MYOF: variants seen among roughly 807,000 people sequenced by gnomAD.
The protein encoded by MYOF is myoferlin, also known as fer-1-like 3, myoferlin.
MYOF carries 244 observed loss-of-function variants against 284.2 expected under a neutral mutation model. The observed-to-expected ratio is 0.86, with a 90% CI of 0.77 to 0.95. MYOF has a LOEUF of 0.95. Among genes scored for constraint, MYOF ranks in the 40% least tolerant of loss-of-function variants. The probability of loss-of-function intolerance (pLI) is 0.00; values close to 1 mark genes in which losing one functional copy is unlikely to be tolerated. For missense variants in MYOF, 2,496 were observed against 2,560.6 expected, an observed-to-expected ratio of 0.97 and a Z score of 0.54; for synonymous variants, 904 against 919.7, an observed-to-expected ratio of 0.98 and a Z score of 0.31.
intron 43 of MYOF, among the ~76,000 whole-genome samples, chr10:93,331,754 C>T (rs1564624277): frequency 6.6e-6 from 1 of 151,836 alleles, no homozygotes; most frequent in Non-Finnish European, 1.5e-5. Context: ...GTGTGTGACA[C>T]ATGACAGAGA....
At chr10:93,403,361 T>G (rs2134096401) in intron 9 of MYOF, among the ~76,000 whole-genome samples, 1 of 152,354 alleles carries the variant, frequency 6.6e-6, no homozygotes, top group South Asian at 2.1e-4. Flanking sequence ...TTACACATAC[T>G]ATCTCATTTA....
chr10:93,328,986 A>C, intron 44 of MYOF, 75 bp from the exon 45 acceptor site: 28 of 1,476,208 alleles, frequency 1.9e-5, no homozygotes, highest in Non-Finnish European at 2.4e-5. Context: ...ATACATGCTC[A>C]TGTACTCTTA....
intron 53 of MYOF, among the ~76,000 whole-genome samples, 187 bp from the exon 54 acceptor site, chr10:93,307,188 A>AC (rs71028899): frequency 0.054 from 6,057 of 112,008 alleles, 205 homozygotes; most frequent in Admixed American, 0.13. Flanking sequence ...TGCCAGTAGC[A>AC]CCCCCCCGCC....
chr10:93,411,082 C>T (rs770461136), intron 5 of MYOF, among the ~76,000 whole-genome samples: 1 of 152,232 alleles, frequency 6.6e-6, no homozygotes, highest in Non-Finnish European at 1.5e-5. Context: ...ATAGGCGAAG[C>T]CTTTAGCACA....
chr10:93,312,222 C>CA (rs1463882044), intron 51 of MYOF, among the ~76,000 whole-genome samples: 5 of 152,208 alleles, frequency 3.3e-5, no homozygotes, highest in Admixed American at 2.6e-4. Flanking sequence ...CGTGATATGG[C>CA]ATGGTAACCC....
intron 4 of MYOF, 66 bp from the exon 5 acceptor site, chr10:93,426,224 CA>C: frequency 6.7e-7 from 1 of 1,481,954 alleles, no homozygotes; most frequent in Admixed American, 2.0e-5. Context: ...AGACTCAATG[CA>C]AGTGACTTCA....
chr10:93,478,926 G>A (rs1438627383), intron 1 of MYOF, among the ~76,000 whole-genome samples: 3 of 151,930 alleles, frequency 2.0e-5, no homozygotes, highest in East Asian at 1.9e-4. Context: ...ACAATCCCAA[G>A]TACAGTGTAG....
chr10:93,449,603 G>A (rs186378959), intron 3 of MYOF, among the ~76,000 whole-genome samples: 2 of 152,256 alleles, frequency 1.3e-5, no homozygotes, highest in Admixed American at 1.3e-4. Context: ...TAAAAAGCTA[G>A]AATAGTTTCC....
intron 3 of MYOF, among the ~76,000 whole-genome samples, chr10:93,433,180 G>A (rs1034297905): frequency 6.6e-6 from 1 of 151,364 alleles, no homozygotes; most frequent in African/African-American, 2.4e-5. Flanking sequence ...ATTTTGAGAT[G>A]GAGTTTCGTT....
intron 45 of MYOF, among the ~76,000 whole-genome samples, chr10:93,326,627 G>A (rs984892504): frequency 6.6e-6 from 1 of 152,080 alleles, no homozygotes; most frequent in African/African-American, 2.4e-5. Flanking sequence ...GGTATTCTGG[G>A]TTTTTTGTAT....
rs539309156 is a variant in MYOF at position 93,374,910 on chromosome 10, G to A, written c.2154C>T (p.Leu718=). The change falls in exon 23 of 54, where the codon CTC becomes CTT. Residue 718 remains leucine (L), a synonymous_variant. Transcript: ENST00000359263. ...ACCGCAGCTTTCGGATCTGAGTATCGAGAACTGTGACGTTGGCTTTTCCTT... is the reference window on the plus strand; with the variant it reads ...ACCGCAGCTTTCGGATCTGAGTATCAAGAACTGTGACGTTGGCTTTTCCTT... ...LTEGKANVTV[L]DTQIRKLRSR... 2.7e-5 allele frequency: 43 copies of A among 1,614,078 alleles called. No homozygotes were observed. The highest frequency in any genetic ancestry group is 4.5e-5 in the East Asian group (2 of 44,888).
At chr10:93,348,865 C>T (rs186508689) in intron 36 of MYOF, among the ~76,000 whole-genome samples, 1 of 152,190 alleles carries the variant, frequency 6.6e-6, no homozygotes, top group Non-Finnish European at 1.5e-5. Flanking sequence ...CCAAGCCCTA[C>T]ACTGCAGCTG....
intron 3 of MYOF, among the ~76,000 whole-genome samples, chr10:93,437,948 A>G (rs1447473122): frequency 6.6e-6 from 1 of 152,120 alleles, no homozygotes; most frequent in Non-Finnish European, 1.5e-5. Context: ...GCCAAACTTG[A>G]GTGGAGCTCC....
Position 93,399,364 on chromosome 10 carries a change from A to T in MYOF, c.1221+28T>A, listed in dbSNP as rs746346832. On this transcript the variant is annotated intron_variant, in intron 13 of 53. Transcript: ENST00000359263. ...GTAGTTTTAGATATTTATTACTAGC[A>T]GCATCTGCATTTAGATCATGTACAA... The T allele has an allele frequency of 2.2e-5, 33 of 1,480,844 alleles. No homozygotes were observed. In the South Asian group the frequency reaches 3.3e-4, roughly 15 times the overall value. The allele number at this position is 1,480,844 out of a possible 1,614,324, so 91.7% of individuals were successfully genotyped here. A position where few individuals can be genotyped will look rare whatever the true frequency, so the allele number is the denominator to read the frequency against.
intron 17 of MYOF, 111 bp downstream of exon 17, chr10:93,392,806 T>C: frequency 5.1e-6 from 5 of 986,152 alleles, no homozygotes; most frequent in Non-Finnish European, 7.9e-6. Flanking sequence ...AGCAAAACTA[T>C]GTTGAGACAG....
At chr10:93,347,120 A>G (rs1589423446) in intron 37 of MYOF, among the ~76,000 whole-genome samples, 1 of 152,322 alleles carries the variant, frequency 6.6e-6, no homozygotes, top group East Asian at 1.9e-4. Context: ...CAGCTCTGCC[A>G]CTTACGAATG....
chr10:93,470,454 G>A (rs1286619311), intron 1 of MYOF, among the ~76,000 whole-genome samples: 1 of 151,648 alleles, frequency 6.6e-6, no homozygotes, highest in African/African-American at 2.4e-5. Context: ...AGGCTGGAGT[G>A]CAGTGGCACG....
In MYOF at chr10:93,369,781, G is replaced by A. The variant is rs1411813253; in HGVS notation, c.2458-5C>T. The A allele has an allele frequency of 5.0e-6, 8 of 1,613,972 alleles. No homozygotes were observed. The highest frequency in any genetic ancestry group is 6.8e-6 in the Non-Finnish European group (8 of 1,180,018). ...GTTGTTTTTCTCCTGTGGATACTGT[G>A]AGATGAACAATAGCATGTGATGTTA... On this transcript the variant is annotated splice_region_variant and splice_polypyrimidine_tract_variant and intron_variant, in intron 24 of 53. Coordinates refer to ENST00000359263, the MANE Select transcript of MYOF (RefSeq NM_013451.4).
chr10:93,418,993 C>G (rs754437605), intron 5 of MYOF, among the ~76,000 whole-genome samples: 4 of 152,264 alleles, frequency 2.6e-5, no homozygotes, highest in Non-Finnish European at 4.4e-5. Flanking sequence ...CAAGTCAGTC[C>G]CTTGTCATGG....
Sources: gnomAD v4.1 joint callset for allele counts (sites outside exome capture counted in the v4.1 genomes callset) on GRCh38, gnomAD v4.1.1 for gene constraint, MANE v1.5 for transcripts, NCBI Gene and HGNC (gene_info 2026-07-23, HGNC 2026-07-21) for gene names.